Variants in CNGA3 observed in about 807,000 individuals in gnomAD.
CNGA3 encodes the protein cyclic nucleotide gated channel subunit alpha 3.
Under a neutral mutation model 46.6 loss-of-function variants are expected in CNGA3, and 42 were observed. The observed-to-expected ratio is 0.90, with a 90% confidence interval of 0.70 to 1.17. CNGA3 has a LOEUF of 1.17. Among genes scored for constraint, CNGA3 ranks in the 50% most tolerant of loss-of-function variants. The pLI is 0.00. For missense variants in CNGA3, 893 were observed against 890.7 expected, an observed-to-expected ratio of 1.00 and a Z score of -0.03; for synonymous variants, 394 against 369.4, an observed-to-expected ratio of 1.07 and a Z score of -0.76.
intron 3 of CNGA3, 188 bp from the exon 4 acceptor site, chr2:98,379,987 T>C: frequency 1.5e-6 from 1 of 664,462 alleles, no homozygotes; most frequent in Non-Finnish European, 2.6e-6. Context: ...ACGGTCCCCA[T>C]GGGGCAGAGA....
At chr2:98,355,194 G>C (rs1319876504) in intron 1 of CNGA3, among the ~76,000 whole-genome samples, 1 of 152,094 alleles carries the variant, frequency 6.6e-6, no homozygotes, top group Admixed American at 6.5e-5. Context: ...GTATGTTGCT[G>C]GATATAGTTT....
At position 98,389,797 on chromosome 2, in the gene CNGA3, G is replaced by A. The variant is rs769942837; in HGVS notation, c.566+23G>A. Reference sequence around the variant, plus strand: ...CAGGTAAGCGACAGGGGTGGAAGGTGCAGCGGAAAGGGGGAAACCAGGGCA... The same window carrying A: ...CAGGTAAGCGACAGGGGTGGAAGGTACAGCGGAAAGGGGGAAACCAGGGCA... On this transcript the variant is annotated intron_variant, in intron 6 of 7. Coordinates refer to ENST00000272602, the MANE Select transcript of CNGA3 (RefSeq NM_001298.3). 1.6e-5 allele frequency: 25 copies of A among 1,594,594 alleles called. No homozygotes were observed. The South Asian group carries it at 2.6e-4, about 17-fold the overall frequency.
chr2:98,362,070 T>C (rs1692047145), intron 1 of CNGA3, among the ~76,000 whole-genome samples: 1 of 152,110 alleles, frequency 6.6e-6, no homozygotes, highest in Admixed American at 6.5e-5. Flanking sequence ...GTGGTTTTGA[T>C]TTGCATTTCC....
chr2:98,395,172 CT>C (rs1040060344), intron 7 of CNGA3, among the ~76,000 whole-genome samples: 28 of 148,150 alleles, frequency 1.9e-4, no homozygotes, highest in Admixed American at 4.0e-4. Flanking sequence ...GCCTCCGTCA[CT>C]TTTTTTTTTT....
intron 1 of CNGA3, among the ~76,000 whole-genome samples, chr2:98,358,765 CTG>C (rs1691949868): frequency 6.8e-6 from 1 of 147,216 alleles, no homozygotes; most frequent in Non-Finnish European, 1.5e-5. Context: ...AAAAGATCTT[CTG>C]AGTTATCTTA....
In CNGA3 at chr2:98,391,983, C is replaced by T. The variant is rs1418417653; in HGVS notation, c.673+13C>T. ...CGAGCTCGGACAGGTGAGTGTGCCC[C>T]AGGCCTGGGGAGGGGACCATGGCCC... On this transcript the variant is annotated intron_variant, in intron 7 of 7. Transcript: ENST00000272602. 6.2e-7 allele frequency: 1 copy of T among 1,611,546 alleles called. No homozygotes were observed. The highest frequency in any genetic ancestry group is 8.5e-7 in the Non-Finnish European group (1 of 1,178,408).
At chr2:98,376,719 C>T (rs1558811106) in intron 2 of CNGA3, among the ~76,000 whole-genome samples, 1 of 152,154 alleles carries the variant, frequency 6.6e-6, no homozygotes, top group Admixed American at 6.5e-5. Flanking sequence ...TGGGTTGGAA[C>T]AGGTCATGTG....
chr2:98,362,809 A>G (rs964546977), intron 1 of CNGA3, among the ~76,000 whole-genome samples: 1 of 152,178 alleles, frequency 6.6e-6, no homozygotes, highest in South Asian at 2.1e-4. Context: ...TCTCTAATCC[A>G]TCTTGAGTTA....
rs777042979 is a variant in CNGA3, at chr2:98,398,151, A to C, written c.*896A>C. 6.6e-6 allele frequency: 1 copy of C among 152,216 alleles called. No individual in the cohort carries two copies. The highest frequency in any genetic ancestry group is 1.5e-5 in the Non-Finnish European group (1 of 68,036). The allele number at this position is 152,216 out of a possible 1,614,324, so 9.4% of individuals were successfully genotyped here. A position where few individuals can be genotyped will look rare whatever the true frequency, so the allele number is the denominator to read the frequency against. ...ACTGAGAGTTTTAGAAGATTAGACC[A>C]TTAGGAACGTATCTTTGCAAACTGC... On this transcript the variant is annotated 3_prime_UTR_variant, in exon 8 of 8. Transcript: ENST00000272602.
chr2:98,373,583 A>G (rs2104185740), intron 2 of CNGA3, among the ~76,000 whole-genome samples: 1 of 152,322 alleles, frequency 6.6e-6, no homozygotes, highest in East Asian at 1.9e-4. Context: ...TTTATAGTGG[A>G]AAGTCATAGG....
In CNGA3 at chr2:98,397,181, G is replaced by T; in HGVS notation, c.2011G>T (p.Gly671Cys). 6.2e-7 allele frequency: 1 copy of T among 1,614,170 alleles called. No homozygotes were observed. The highest frequency in any genetic ancestry group is 8.5e-7 in the Non-Finnish European group (1 of 1,180,044). The change falls in exon 8 of 8, where the codon GGT (glycine) becomes TGT (cysteine). Residue 671 changes from glycine (G) to cysteine (C), a missense_variant. Around this residue, in one of 3 missense-constraint regions of CNGA3, gnomAD observed 548 missense variants for 570.8 expected, o/e 0.96. Transcript: ENST00000272602. ...CAGCCAACTGGAAAGCCAGGTGAAG[G>T]GTGGTGGGGACAAGCCCCTGGCTGA... ...RLSQLESQVK[G>C]GGDKPLADGE...
intron 3 of CNGA3, 144 bp downstream of exon 3, chr2:98,377,944 C>G: frequency 7.4e-7 from 1 of 1,342,990 alleles, no homozygotes; most frequent in Non-Finnish European, 1.0e-6. Flanking sequence ...AGCCTGAAAA[C>G]TATCAGTGAG....
In CNGA3 at chr2:98,392,012, C is replaced by T. The variant is rs556360697; in HGVS notation, c.673+42C>T. 308 of 1,551,480 alleles carry T rather than the reference C, an allele frequency of 2.0e-4. 4 individuals are homozygous for T. Among genetic ancestry groups the T allele is most frequent in the South Asian group, 1.9e-3 (169 of 89,766 alleles). On this transcript the variant is annotated intron_variant, in intron 7 of 7. Transcript: ENST00000272602. ...CCTGGGGAGGGGACCATGGCCCCCA[C>T]GGGAGTGTTCCGGGAGACCCAGCAT... is the stretch of plus-strand genomic sequence containing the variant.
At chr2:98,362,697 C>G (rs1692061772) in intron 1 of CNGA3, among the ~76,000 whole-genome samples, 1 of 152,104 alleles carries the variant, frequency 6.6e-6, no homozygotes. Context: ...GTTGCAATTG[C>G]TTTTGATGTT....
intron 1 of CNGA3, among the ~76,000 whole-genome samples, chr2:98,350,202 C>T (rs1472018118): frequency 1.3e-5 from 2 of 152,216 alleles, no homozygotes; most frequent in African/African-American, 4.8e-5. Flanking sequence ...TGAGTCTCAG[C>T]TTCTTGGTGT....
intron 5 of CNGA3, among the ~76,000 whole-genome samples, chr2:98,387,265 T>C (rs1692674831): frequency 6.6e-6 from 1 of 152,212 alleles, no homozygotes; most frequent in Non-Finnish European, 1.5e-5. Context: ...GCAGTGATTA[T>C]TTTTCCACAC....
chr2:98,387,188 C>T (rs1486743732), intron 5 of CNGA3, among the ~76,000 whole-genome samples: 1 of 152,190 alleles, frequency 6.6e-6, no homozygotes, highest in African/African-American at 2.4e-5. Flanking sequence ...TAGAATTCAC[C>T]GTTGAGGATG....
intron 7 of CNGA3, among the ~76,000 whole-genome samples, chr2:98,394,861 G>T (rs1040324178): frequency 2.6e-5 from 4 of 152,144 alleles, no homozygotes; most frequent in Non-Finnish European, 5.9e-5. Flanking sequence ...TTTATCTTAC[G>T]TAAAATGTAG....
At chr2:98,352,385 C>G (rs1691787025) in intron 1 of CNGA3, among the ~76,000 whole-genome samples, 1 of 152,160 alleles carries the variant, frequency 6.6e-6, no homozygotes, top group African/African-American at 2.4e-5. Flanking sequence ...TTTTATTTCT[C>G]TTAGGTATAA....
Sources: allele counts gnomAD v4.1 joint callset (sites outside exome capture counted in the v4.1 genomes callset), GRCh38; gene constraint gnomAD v4.1.1; regional missense constraint gnomAD v4.1.1; transcripts MANE v1.5; gene names NCBI Gene and HGNC (gene_info 2026-07-23, HGNC 2026-07-21).